Variants in ACER3 observed in about 807,000 individuals in gnomAD.
The protein encoded by ACER3 is alkCDase 3.
Under a neutral mutation model 48.9 loss-of-function variants are expected in ACER3, and 16 were observed. The ratio of observed to expected loss-of-function variants is 0.33; its 90% CI spans 0.22 to 0.50. The LOEUF (loss-of-function observed/expected upper bound fraction) is 0.50, where lower values mean the gene tolerates loss of function less well. ACER3 is among the 20% of genes least tolerant of loss of function. The probability of loss-of-function intolerance (pLI) is 0.98; values close to 1 mark genes in which losing one functional copy is unlikely to be tolerated. For missense variants in ACER3, 227 were observed against 326.0 expected (o/e 0.70, Z 2.34); for synonymous variants, 109 against 107.8 (o/e 1.01, Z -0.07).
At chr11:76,987,497 T>C (rs1948709420) in intron 5 of ACER3, among the ~76,000 whole-genome samples, 1 of 152,130 alleles carries the variant, frequency 6.6e-6, no homozygotes, top group Non-Finnish European at 1.5e-5. Flanking sequence ...CAATATGAAA[T>C]GTGTTAAGAT....
In ACER3 at chr11:76,972,550, C is replaced by CT. The variant is rs34239659; in HGVS notation, c.268-3731dup. 3.6e-4 allele frequency among the ~76,000 whole-genome samples: 54 copies of CT among 151,972 alleles called. 1 individual carries two copies. Among genetic ancestry groups the CT allele is most frequent in the Non-Finnish European group, 2.1e-4 (14 of 67,974 alleles). Reference sequence around the variant, plus strand: ...CTTCTGTGAGTTTTCTTTTCACTTTCTTTTTTTTAACATCAATTAAATTAC... The same window carrying CT: ...CTTCTGTGAGTTTTCTTTTCACTTTCTTTTTTTTTAACATCAATTAAATTAC... On this transcript the variant is annotated intron_variant, in intron 3 of 10. Transcript: ENST00000532485.
intron 4 of ACER3, among the ~76,000 whole-genome samples, chr11:76,983,830 G>A (rs868224854): frequency 2.0e-5 from 3 of 147,020 alleles, no homozygotes; most frequent in East Asian, 2.0e-4. Context: ...TCACACTGTC[G>A]CCCAGGCTGG....
chr11:76,940,932 C>G (rs1286291146), intron 2 of ACER3, among the ~76,000 whole-genome samples: 1 of 151,814 alleles, frequency 6.6e-6, no homozygotes, highest in Non-Finnish European at 1.5e-5. Flanking sequence ...AAACATTAGG[C>G]AAATTTTGCT....
chr11:76,893,983 A>G (rs1945870321), intron 1 of ACER3, among the ~76,000 whole-genome samples: 1 of 152,234 alleles, frequency 6.6e-6, no homozygotes, highest in Non-Finnish European at 1.5e-5. Flanking sequence ...TCAGCATTAT[A>G]TATTGCTGTT....
At chr11:76,863,989 C>G (rs1344311358) in intron 1 of ACER3, among the ~76,000 whole-genome samples, 1 of 152,216 alleles carries the variant, frequency 6.6e-6, no homozygotes, top group Non-Finnish European at 1.5e-5. Flanking sequence ...AAATACTATG[C>G]TATCACACAG....
At chr11:76,928,304 G>T (rs565360297) in intron 2 of ACER3, among the ~76,000 whole-genome samples, 1 of 151,940 alleles carries the variant, frequency 6.6e-6, no homozygotes, top group Non-Finnish European at 1.5e-5. Flanking sequence ...TTTTTGATGG[G>T]GTTGTTTGTT....
chr11:77,025,392 T>TTATATATATATATATATATA lies in ACER3; in HGVS notation c.*5084_*5085insATATATATATATATATATAT, dbSNP rs149589077. 5.9e-5 allele frequency: 8 copies of TTATATATATATATATATATA among 135,846 alleles called. No homozygotes were observed. Among genetic ancestry groups the TTATATATATATATATATATA allele is most frequent in the African/African-American group, 2.5e-4 (8 of 32,246 alleles). The allele number at this position is 135,846 out of a possible 1,614,324, so 8.4% of individuals were successfully genotyped here. A position where few individuals can be genotyped will look rare whatever the true frequency, so the allele number is the denominator to read the frequency against. On this transcript the variant is annotated 3_prime_UTR_variant, in exon 11 of 11. Transcript: ENST00000532485. ...TGGTTATTTTATTTTATTTTATTCT[T>TTATATATATATATATATATA]TATATATATATATATATATTTATTT...
At chr11:77,009,063 A>C (rs1025168230) in intron 7 of ACER3, among the ~76,000 whole-genome samples, 18 of 152,188 alleles carry the variant, frequency 1.2e-4, no homozygotes, top group Non-Finnish European at 2.4e-4. Flanking sequence ...CTGTCTCCAA[A>C]TAATAGCAAT....
chr11:77,021,709 A>C lies in ACER3; in HGVS notation c.*1382A>C, dbSNP rs1419205968. 1.3e-5 allele frequency: 2 copies of C among 152,180 alleles called. No homozygotes were observed. The highest frequency in any genetic ancestry group is 2.9e-5 in the Non-Finnish European group (2 of 68,018). The allele number at this position is 152,180 out of a possible 1,614,324, so 9.4% of individuals were successfully genotyped here. A position where few individuals can be genotyped will look rare whatever the true frequency, so the allele number is the denominator to read the frequency against. On this transcript the variant is annotated 3_prime_UTR_variant, in exon 11 of 11. Transcript: ENST00000532485. ...TCAAAAGGAAAATCATTTTTTTCTT[A>C]TGCAAAGATGGTAAAACACTGTTGT...
At chr11:76,877,075 T>G in intron 1 of ACER3, among the ~76,000 whole-genome samples, 1 of 152,196 alleles carries the variant, frequency 6.6e-6, no homozygotes, top group Non-Finnish European at 1.5e-5. Flanking sequence ...TAAAGATTAG[T>G]ACTTTTATAA....
At chr11:76,960,858 T>G (rs1051991325) in intron 3 of ACER3, among the ~76,000 whole-genome samples, 2 of 151,840 alleles carry the variant, frequency 1.3e-5, no homozygotes, top group Non-Finnish European at 2.9e-5. Flanking sequence ...TCCTCCCAAG[T>G]TGGGGGGGTC....
chr11:77,005,211 T>C (rs1353032192), intron 7 of ACER3, among the ~76,000 whole-genome samples: 1 of 152,118 alleles, frequency 6.6e-6, no homozygotes, highest in Non-Finnish European at 1.5e-5. Flanking sequence ...TAATTTTTTG[T>C]ATTTTTAGTA....
chr11:76,933,915 C>A (rs1381590398), intron 2 of ACER3, among the ~76,000 whole-genome samples: 1 of 151,878 alleles, frequency 6.6e-6, no homozygotes, highest in Non-Finnish European at 1.5e-5. Flanking sequence ...GGCGGAGGGT[C>A]TCCTCACTTC....
At chr11:76,984,392 G>T (rs1656098004) in intron 4 of ACER3, among the ~76,000 whole-genome samples, 1 of 152,124 alleles carries the variant, frequency 6.6e-6, no homozygotes, top group African/African-American at 2.4e-5. Context: ...TTTCATCATT[G>T]TCCAAGTCAC....
At chr11:76,948,418 T>G (rs1362391664) in intron 2 of ACER3, among the ~76,000 whole-genome samples, 1 of 152,202 alleles carries the variant, frequency 6.6e-6, no homozygotes, top group African/African-American at 2.4e-5. Flanking sequence ...AGTCCAAACT[T>G]CTTAGGACAA....
intron 1 of ACER3, among the ~76,000 whole-genome samples, chr11:76,865,668 C>T (rs1945064121): frequency 1.3e-5 from 2 of 151,908 alleles, no homozygotes; most frequent in South Asian, 4.1e-4. Flanking sequence ...ACCACCATGC[C>T]CAGCTAATTT....
intron 4 of ACER3, among the ~76,000 whole-genome samples, chr11:76,984,426 T>C (rs1281565675): frequency 6.6e-6 from 1 of 152,212 alleles, no homozygotes; most frequent in Non-Finnish European, 1.5e-5. Context: ...AAAAGAGATC[T>C]TAGAAAGTGC....
At chr11:76,950,352 C>CATAT (rs774580764) in intron 2 of ACER3, among the ~76,000 whole-genome samples, 1 of 36,058 alleles carries the variant, frequency 2.8e-5, no homozygotes, top group Non-Finnish European at 1.2e-4. Flanking sequence ...GTGACATGAT[C>CATAT]ATATATATAT....
At chr11:77,007,388 G>A (rs1201710929) in intron 7 of ACER3, among the ~76,000 whole-genome samples, 1 of 152,090 alleles carries the variant, frequency 6.6e-6, no homozygotes, top group African/African-American at 2.4e-5. Context: ...TTACTGCCAG[G>A]TACTCGTAGA....
Sources: allele counts gnomAD v4.1 joint callset (sites outside exome capture counted in the v4.1 genomes callset), GRCh38; gene constraint gnomAD v4.1.1; transcripts MANE v1.5; gene names NCBI Gene and HGNC (gene_info 2026-07-23, HGNC 2026-07-21).